Variants in CDKAL1 observed in about 807,000 individuals in gnomAD.
The protein encoded by CDKAL1 is CDKAL1 threonylcarbamoyladenosine tRNA methylthiotransferase, also known as threonylcarbamoyladenosine tRNA methylthiotransferase.
CDKAL1 carries 32 observed loss-of-function variants against 68.2 expected under a neutral mutation model. That is an observed-to-expected ratio of 0.47 (90% CI 0.35 to 0.63). CDKAL1 has a LOEUF of 0.63. Among genes scored for constraint, CDKAL1 ranks in the 30% least tolerant of loss-of-function variants. CDKAL1 has a pLI of 0.00. For missense variants in CDKAL1, 606 were observed against 696.7 expected, an observed-to-expected ratio of 0.87 and a Z score of 1.47; for synonymous variants, 234 against 244.3, an observed-to-expected ratio of 0.96 and a Z score of 0.39.
At chr6:21,224,470 C>CTG (rs1779655822) in intron 15 of CDKAL1, among the ~76,000 whole-genome samples, 1 of 152,054 alleles carries the variant, frequency 6.6e-6, no homozygotes, top group Admixed American at 6.5e-5. Context: ...GCCGAGATTG[C>CTG]GCCACTGTAC....
chr6:20,771,886 A>G (rs1774961197), intron 7 of CDKAL1, among the ~76,000 whole-genome samples: 1 of 152,038 alleles, frequency 6.6e-6, no homozygotes, highest in African/African-American at 2.4e-5. Flanking sequence ...CTGTTACCAT[A>G]CTTCCCGTAC....
At chr6:20,653,846 C>T (rs929196590) in intron 5 of CDKAL1, among the ~76,000 whole-genome samples, 4 of 152,030 alleles carry the variant, frequency 2.6e-5, no homozygotes, top group Admixed American at 2.0e-4. Flanking sequence ...CTCCTGACCT[C>T]GTGATCCGCC....
At chr6:21,115,899 C>A (rs893806247) in intron 13 of CDKAL1, among the ~76,000 whole-genome samples, 1 of 152,140 alleles carries the variant, frequency 6.6e-6, no homozygotes. Flanking sequence ...TCAAAGTGAC[C>A]ATAGAGTTGT....
intron 11 of CDKAL1, among the ~76,000 whole-genome samples, chr6:21,034,445 A>C (rs1208292731): frequency 6.6e-6 from 1 of 152,224 alleles, no homozygotes; most frequent in Non-Finnish European, 1.5e-5. Context: ...AAAAAAATTT[A>C]TGAAATAAAA....
chr6:20,824,138 C>T (rs1228126668), intron 8 of CDKAL1, among the ~76,000 whole-genome samples: 3 of 152,110 alleles, frequency 2.0e-5, no homozygotes, highest in Non-Finnish European at 4.4e-5. Context: ...ACCGCTGCTT[C>T]TACTCTTACT....
At chr6:20,893,397 C>T (rs538809612) in intron 9 of CDKAL1, among the ~76,000 whole-genome samples, 1 of 152,222 alleles carries the variant, frequency 6.6e-6, no homozygotes, top group East Asian at 1.9e-4. Flanking sequence ...TATCTCATGC[C>T]TGTAGCAACT....
chr6:20,838,363 G>C (rs1038509727), intron 8 of CDKAL1, among the ~76,000 whole-genome samples: 7 of 152,054 alleles, frequency 4.6e-5, no homozygotes, highest in Admixed American at 6.6e-5. Flanking sequence ...CAGCTTGAAT[G>C]GCCAACCAGG....
At chr6:20,861,433 T>A (rs945093560) in intron 9 of CDKAL1, among the ~76,000 whole-genome samples, 3 of 152,372 alleles carry the variant, frequency 2.0e-5, no homozygotes, top group African/African-American at 7.2e-5. Context: ...TAAAAATTAT[T>A]TAAATATTTA....
chr6:20,999,897 C>T (rs539214953), intron 10 of CDKAL1, among the ~76,000 whole-genome samples: 17 of 152,144 alleles, frequency 1.1e-4, no homozygotes, highest in African/African-American at 4.1e-4. Context: ...ATGTAAAACT[C>T]CTTGGAAGTG....
chr6:21,080,348 GAA>G (rs973361019), intron 12 of CDKAL1, among the ~76,000 whole-genome samples: 20 of 152,230 alleles, frequency 1.3e-4, no homozygotes, highest in African/African-American at 4.6e-4. Flanking sequence ...TCTCATGAAA[GAA>G]AAGACTGTTT....
chr6:21,088,386 G>A (rs974579763), intron 12 of CDKAL1, among the ~76,000 whole-genome samples: 7 of 152,150 alleles, frequency 4.6e-5, no homozygotes, highest in Admixed American at 3.9e-4. Flanking sequence ...ATAATCTACA[G>A]ATATGTAGTT....
chr6:20,602,905 AG>A (rs1766167228), intron 4 of CDKAL1, among the ~76,000 whole-genome samples: 1 of 152,128 alleles, frequency 6.6e-6, no homozygotes. Context: ...TCTCAGTGTG[AG>A]GATGAAAAAC....
intron 8 of CDKAL1, among the ~76,000 whole-genome samples, chr6:20,815,779 T>G (rs986565973): frequency 2.0e-5 from 3 of 152,194 alleles, no homozygotes; most frequent in Non-Finnish European, 4.4e-5. Context: ...TGGTAACTTC[T>G]GGTATGTTGG....
chr6:21,099,020 G>A (rs1209188478), intron 12 of CDKAL1, among the ~76,000 whole-genome samples: 1 of 152,068 alleles, frequency 6.6e-6, no homozygotes, highest in Non-Finnish European at 1.5e-5. Flanking sequence ...AGTAAAGGGG[G>A]ATTAAGCAAA....
At chr6:20,920,192 G>A (rs752329095) in intron 9 of CDKAL1, among the ~76,000 whole-genome samples, 1 of 152,176 alleles carries the variant, frequency 6.6e-6, no homozygotes, top group East Asian at 1.9e-4. Flanking sequence ...GCACTGTGAA[G>A]CATCTCTTTT....
chr6:21,017,318 G>A (rs779845747), intron 11 of CDKAL1, among the ~76,000 whole-genome samples: 4 of 152,212 alleles, frequency 2.6e-5, no homozygotes, highest in African/African-American at 4.8e-5. Context: ...TTTGTATGAT[G>A]TGGAGACTTC....
chr6:21,191,217 A>G (rs1373874543), intron 13 of CDKAL1, among the ~76,000 whole-genome samples: 1 of 152,228 alleles, frequency 6.6e-6, no homozygotes, highest in African/African-American at 2.4e-5. Context: ...TTTCAGGGCA[A>G]ATGATGACTT....
At chr6:20,824,945 T>A (rs571331468) in intron 8 of CDKAL1, among the ~76,000 whole-genome samples, 46,894 of 152,000 alleles carry the variant, frequency 0.31, 7,531 homozygotes, top group East Asian at 0.53. Context: ...TAATATATCT[T>A]GCTTCTTTTT....
chr6:20,740,100 C>G (rs1476147280), intron 6 of CDKAL1, among the ~76,000 whole-genome samples: 1 of 152,224 alleles, frequency 6.6e-6, no homozygotes, highest in Non-Finnish European at 1.5e-5. Context: ...TCTAGTTTCT[C>G]TTTGCTTACT....
Sources: allele counts gnomAD v4.1 joint callset (sites outside exome capture counted in the v4.1 genomes callset), GRCh38; gene constraint gnomAD v4.1.1; transcripts MANE v1.5; gene names NCBI Gene and HGNC (gene_info 2026-07-23, HGNC 2026-07-21).